Variants in LAMA2 observed in about 807,000 individuals in gnomAD.
LAMA2 encodes the protein laminin subunit alpha 2.
A neutral mutation model predicts 364.8 loss-of-function variants in LAMA2; 269 were observed. The observed-to-expected ratio is 0.74, with a 90% CI of 0.67 to 0.82. The LOEUF (loss-of-function observed/expected upper bound fraction) is 0.82. Ranked by LOEUF, LAMA2 falls within the 40% of genes least tolerant of loss-of-function variation. The pLI, the probability that LAMA2 is intolerant of heterozygous loss-of-function variation, is 0.00. For missense variants in LAMA2, 3,807 were observed against 3,873.2 expected, an observed-to-expected ratio of 0.98 and a Z score of 0.45; for synonymous variants, 1,379 against 1,370.6, an observed-to-expected ratio of 1.01 and a Z score of -0.14.
At chr6:129,159,226 G>A in intron 8 of LAMA2, 5 of 982,882 alleles carry the variant, frequency 5.1e-6, no homozygotes, top group Admixed American at 1.8e-5. Flanking sequence ...GTAAAAGATC[G>A]CAAGCACTTG....
At chr6:129,493,705 C>T (rs978787041) in intron 58 of LAMA2, among the ~76,000 whole-genome samples, 1 of 152,104 alleles carries the variant, frequency 6.6e-6, no homozygotes, top group Non-Finnish European at 1.5e-5. Flanking sequence ...ATTCTCATAA[C>T]GGCTCTGTAA....
At chr6:129,320,068 G>T (rs1485639884) in intron 27 of LAMA2, among the ~76,000 whole-genome samples, 1 of 152,046 alleles carries the variant, frequency 6.6e-6, no homozygotes, top group Non-Finnish European at 1.5e-5. Context: ...GGTAGGCGGA[G>T]GTTGTAGTGA....
At chr6:129,266,827 A>T (rs930338828) in intron 15 of LAMA2, among the ~76,000 whole-genome samples, 1 of 151,978 alleles carries the variant, frequency 6.6e-6, no homozygotes, top group Non-Finnish European at 1.5e-5. Context: ...TCACATTTCA[A>T]TTCTTTATAT....
chr6:129,514,910 T>C (rs1236236967), intron 64 of LAMA2, among the ~76,000 whole-genome samples: 4 of 149,586 alleles, frequency 2.7e-5, no homozygotes, highest in African/African-American at 7.4e-5. Context: ...CCAAACTTGG[T>C]GTTCTTTCTG....
chr6:129,177,434 A>G (rs145100644), intron 9 of LAMA2, among the ~76,000 whole-genome samples: 1 of 152,310 alleles, frequency 6.6e-6, no homozygotes, highest in East Asian at 1.9e-4. Flanking sequence ...TGTTTTCTAT[A>G]GCCATAGTTT....
chr6:129,246,565 G>A (rs1168715077), intron 12 of LAMA2, among the ~76,000 whole-genome samples: 1 of 152,180 alleles, frequency 6.6e-6, no homozygotes, highest in African/African-American at 2.4e-5. Flanking sequence ...AAACTTGAAT[G>A]ACGTTAGGGA....
At chr6:128,962,185 T>TATTTACACACACAC (rs1214826895) in intron 1 of LAMA2, among the ~76,000 whole-genome samples, 3 of 103,918 alleles carry the variant, frequency 2.9e-5, no homozygotes, top group African/African-American at 1.1e-4. Context: ...TATATATATA[T>TATTTACACACACAC]ACACACATAC....
At chr6:129,109,289 A>T (rs1239938393) in intron 4 of LAMA2, among the ~76,000 whole-genome samples, 3 of 152,126 alleles carry the variant, frequency 2.0e-5, no homozygotes, top group Non-Finnish European at 4.4e-5. Flanking sequence ...AACAGAACCC[A>T]TGTTGTGTGG....
At chr6:129,464,177 G>T in intron 49 of LAMA2, 113 bp from the exon 50 acceptor site, 2 of 895,424 alleles carry the variant, frequency 2.2e-6, no homozygotes, top group East Asian at 2.4e-5. Flanking sequence ...GATGTATTTA[G>T]GGTATTTCCT....
intron 61 of LAMA2, among the ~76,000 whole-genome samples, chr6:129,506,444 G>A (rs1309050068): frequency 1.3e-5 from 2 of 152,084 alleles, no homozygotes; most frequent in East Asian, 3.8e-4. Context: ...GAAAATGATG[G>A]TATGTATTCA....
At chr6:129,275,885 C>T (rs265389) in intron 17 of LAMA2, among the ~76,000 whole-genome samples, 2,923 of 151,928 alleles carry the variant, frequency 0.019, 37 homozygotes, top group Non-Finnish European at 0.027. Context: ...AGAAATATAT[C>T]GTTCAAAGAC....
At chr6:129,327,817 TTTAAA>T (rs1307124645) in intron 28 of LAMA2, among the ~76,000 whole-genome samples, 2 of 152,228 alleles carry the variant, frequency 1.3e-5, no homozygotes, top group Non-Finnish European at 2.9e-5. Context: ...TTTTATAGTC[TTTAAA>T]TTATATCAGT....
chr6:129,251,070 C>CTA (rs1786184240), intron 13 of LAMA2, among the ~76,000 whole-genome samples: 30 of 67,620 alleles, frequency 4.4e-4, no homozygotes, highest in African/African-American at 1.2e-3. Flanking sequence ...CTCTCTCTCT[C>CTA]TCTCTCTATA....
chr6:129,244,750 A>G (rs904491282), intron 12 of LAMA2, among the ~76,000 whole-genome samples: 2 of 152,098 alleles, frequency 1.3e-5, no homozygotes, highest in African/African-American at 4.8e-5. Flanking sequence ...GCCAGACCAC[A>G]AGTAGCCTAC....
At chr6:129,100,632 G>A (rs961677415) in intron 4 of LAMA2, among the ~76,000 whole-genome samples, 25 of 152,158 alleles carry the variant, frequency 1.6e-4, no homozygotes, top group African/African-American at 5.3e-4. Context: ...AGGATTAAAA[G>A]TTGACTTTTA....
At chr6:129,004,692 C>T (rs2114681688) in intron 1 of LAMA2, among the ~76,000 whole-genome samples, 1 of 152,192 alleles carries the variant, frequency 6.6e-6, no homozygotes, top group Admixed American at 6.5e-5. Flanking sequence ...GAATAGTGTA[C>T]TTTTCTTATT....
intron 18 of LAMA2, among the ~76,000 whole-genome samples, chr6:129,283,238 A>G (rs1325289877): frequency 6.6e-6 from 1 of 152,126 alleles, no homozygotes; most frequent in Non-Finnish European, 1.5e-5. Context: ...AAAAATAACA[A>G]AGAGACAGAA....
At chr6:129,269,837 A>G (rs1333174952) in intron 16 of LAMA2, among the ~76,000 whole-genome samples, 1 of 152,188 alleles carries the variant, frequency 6.6e-6, no homozygotes, top group Non-Finnish European at 1.5e-5. Flanking sequence ...TGCATTATTA[A>G]GGCAACTATT....
chr6:129,486,656 C>T, intron 56 of LAMA2, 34 bp downstream of exon 56: 1 of 1,591,126 alleles, frequency 6.3e-7, no homozygotes, highest in Non-Finnish European at 8.6e-7. Context: ...ATTATTGTAA[C>T]TCAGGTGAAC....
Sources: allele counts gnomAD v4.1 joint callset (sites outside exome capture counted in the v4.1 genomes callset), GRCh38; gene constraint gnomAD v4.1.1; transcripts MANE v1.5; gene names NCBI Gene and HGNC (gene_info 2026-07-23, HGNC 2026-07-21).